SND1: variants seen among roughly 807,000 people sequenced by gnomAD.
SND1 encodes staphylococcal nuclease and tudor domain containing 1.
SND1 carries 38 observed loss-of-function variants against 121.7 expected under a neutral mutation model. That is an observed-to-expected ratio of 0.31 (90% CI 0.24 to 0.41). The LOEUF (loss-of-function observed/expected upper bound fraction) is 0.41, where lower values mean the gene tolerates loss of function less well. Ranked by LOEUF, SND1 falls within the 10% of genes least tolerant of loss-of-function variation. The probability of loss-of-function intolerance (pLI) is 1.00; values close to 1 mark genes in which losing one functional copy is unlikely to be tolerated. For missense variants in SND1, 868 were observed against 1,184.6 expected (o/e 0.73, Z 3.92); for synonymous variants, 401 against 447.4 (o/e 0.90, Z 1.31).
intron 20 of SND1, chr7:128,086,403 C>T (rs1375601467): frequency 5.1e-6 from 1 of 197,218 alleles, no homozygotes; most frequent in Non-Finnish European, 1.0e-5. Flanking sequence ...GACTGAGGAT[C>T]TGTTAGTAGA....
chr7:128,030,792 G>GA (rs1264734230), intron 16 of SND1: 11 of 1,000,084 alleles, frequency 1.1e-5, no homozygotes, highest in East Asian at 2.8e-5. Context: ...CGGATCGGCC[G>GA]AAAAAAATCC....
intron 2 of SND1, 105 bp downstream of exon 2, chr7:127,686,867 AT>A: frequency 7.7e-7 from 1 of 1,300,592 alleles, no homozygotes; most frequent in Non-Finnish European, 1.1e-6. Context: ...TATTTTGAGT[AT>A]TTTTATATCA....
chr7:127,700,708 G>A (rs1010535270), intron 4 of SND1, among the ~76,000 whole-genome samples: 2 of 152,200 alleles, frequency 1.3e-5, no homozygotes, highest in African/African-American at 4.8e-5. Context: ...ATCTGTGATA[G>A]CAGTGTTCAT....
intron 16 of SND1, among the ~76,000 whole-genome samples, chr7:128,059,536 G>A (rs921117369): frequency 6.6e-6 from 1 of 152,194 alleles, no homozygotes. Flanking sequence ...CTCAACATGT[G>A]TCTTCTCACT....
chr7:127,682,019 T>C (rs1362748636), intron 1 of SND1, among the ~76,000 whole-genome samples: 2 of 152,358 alleles, frequency 1.3e-5, no homozygotes, highest in East Asian at 1.9e-4. Context: ...GGAAAAAATA[T>C]TGGCTTCATT....
At chr7:127,744,312 C>G (rs767465236) in intron 10 of SND1, among the ~76,000 whole-genome samples, 1 of 152,064 alleles carries the variant, frequency 6.6e-6, no homozygotes, top group Non-Finnish European at 1.5e-5. Context: ...TTAGAGACCA[C>G]CCAGATGACC....
At chr7:127,868,851 G>A (rs187522079) in intron 12 of SND1, among the ~76,000 whole-genome samples, 6 of 152,154 alleles carry the variant, frequency 3.9e-5, no homozygotes, top group African/African-American at 9.6e-5. Flanking sequence ...ACTTTAGTTT[G>A]TGGGTATTTT....
rs747785601 is a variant in SND1, at chr7:127,844,312, C to T, written c.1243-12C>T. On this transcript the variant is annotated splice_polypyrimidine_tract_variant and intron_variant, in intron 11 of 23. Transcript: ENST00000354725. ...ACTCTCAACCCTAATTCCCTTGATT[C>T]TTTGTTTCCAGGTCAATGTGACGGT... 1 of 1,610,662 alleles carries T rather than the reference C, an allele frequency of 6.2e-7. No homozygotes were observed. The highest frequency in any genetic ancestry group is 1.1e-5 in the South Asian group (1 of 90,584).
At chr7:127,749,509 A>C (rs917660128) in intron 10 of SND1, among the ~76,000 whole-genome samples, 2 of 152,148 alleles carry the variant, frequency 1.3e-5, no homozygotes, top group African/African-American at 4.8e-5. Flanking sequence ...TGGTGGTATT[A>C]ATAATGAGGT....
At chr7:127,701,065 T>C (rs1796091354) in intron 4 of SND1, 98 bp from the exon 5 acceptor site, 1 of 1,342,608 alleles carries the variant, frequency 7.4e-7, no homozygotes, top group African/African-American at 1.5e-5. Context: ...CTTTGTTGTC[T>C]TCAAGGGGTG....
intron 2 of SND1, among the ~76,000 whole-genome samples, chr7:127,691,476 G>A (rs1033133498): frequency 2.6e-5 from 4 of 151,784 alleles, no homozygotes; most frequent in African/African-American, 9.7e-5. Context: ...CCCGGGAAGC[G>A]GAGGTTGCAG....
chr7:127,761,643 G>A (rs546203367), intron 10 of SND1, among the ~76,000 whole-genome samples: 3 of 152,132 alleles, frequency 2.0e-5, no homozygotes, highest in African/African-American at 7.2e-5. Flanking sequence ...TCCATTGTTC[G>A]AAGCTAGCAT....
At chr7:128,036,114 GAT>G (rs1792745623) in intron 16 of SND1, among the ~76,000 whole-genome samples, 4 of 152,212 alleles carry the variant, frequency 2.6e-5, no homozygotes, top group African/African-American at 9.7e-5. Flanking sequence ...GGGAAGGAAA[GAT>G]ATCAATTGGT....
intron 11 of SND1, among the ~76,000 whole-genome samples, chr7:127,828,107 C>T (rs536340708): frequency 5.3e-5 from 8 of 152,266 alleles, no homozygotes; most frequent in Admixed American, 4.6e-4. Flanking sequence ...AGTGATTCTT[C>T]TGCCTCAGCC....
At chr7:128,047,377 A>C (rs1385333469) in intron 16 of SND1, among the ~76,000 whole-genome samples, 2 of 152,202 alleles carry the variant, frequency 1.3e-5, no homozygotes, top group Non-Finnish European at 2.9e-5. Context: ...CAAACTTCAG[A>C]TATTTTTATA....
At chr7:128,021,596 T>C (rs761749424) in intron 16 of SND1, among the ~76,000 whole-genome samples, 49 of 152,282 alleles carry the variant, frequency 3.2e-4, no homozygotes, top group Non-Finnish European at 6.2e-4. Context: ...TTCTCAGTCA[T>C]CCTTGCTGAC....
At chr7:127,885,983 A>G (rs989021680) in intron 12 of SND1, among the ~76,000 whole-genome samples, 1 of 152,006 alleles carries the variant, frequency 6.6e-6, no homozygotes, top group African/African-American at 2.4e-5. Flanking sequence ...CTTAGTGACA[A>G]CCTTAGTTTA....
intron 10 of SND1, among the ~76,000 whole-genome samples, chr7:127,728,983 ACTT>A (rs774398021): frequency 7.0e-4 from 105 of 150,224 alleles, no homozygotes; most frequent in East Asian, 7.8e-4. Flanking sequence ...TTCTGTAGGC[ACTT>A]CTTCTTCTAC....
chr7:128,030,455 C>T (rs745350732), intron 16 of SND1: 2 of 1,613,638 alleles, frequency 1.2e-6, no homozygotes, highest in Non-Finnish European at 8.5e-7. Context: ...GGCCCCGGCG[C>T]GTGCACACCA....
Sources: allele counts gnomAD v4.1 joint callset (sites outside exome capture counted in the v4.1 genomes callset), GRCh38; gene constraint gnomAD v4.1.1; transcripts MANE v1.5; gene names NCBI Gene and HGNC (gene_info 2026-07-23, HGNC 2026-07-21).